KPNA7: variants seen among roughly 807,000 people sequenced by gnomAD.
KPNA7 encodes karyopherin subunit alpha 7.
A neutral mutation model predicts 53.7 loss-of-function variants in KPNA7; 54 were observed. That is an observed-to-expected ratio of 1.01 (90% CI 0.81 to 1.26). The LOEUF (loss-of-function observed/expected upper bound fraction) is 1.26, where lower values mean the gene tolerates loss of function less well. Among genes scored for constraint, KPNA7 ranks in the 50% most tolerant of loss-of-function variants. KPNA7 has a pLI of 0.00. For missense variants in KPNA7, 640 were observed against 644.5 expected, an observed-to-expected ratio of 0.99 and a Z score of 0.07; for synonymous variants, 276 against 259.3, an observed-to-expected ratio of 1.06 and a Z score of -0.62.
chr7:99,163,108 G>A, the KPNA7 span, among the ~76,000 whole-genome samples: 78 of 151,896 alleles, frequency 5.1e-4, no homozygotes, highest in African/African-American at 1.2e-3. Flanking sequence ...TTGAACCTGG[G>A]AGGCGGAGGT....
the KPNA7 span, among the ~76,000 whole-genome samples, chr7:99,166,898 G>A: frequency 1.8e-4 from 28 of 152,230 alleles, no homozygotes; most frequent in African/African-American, 6.0e-4. Flanking sequence ...GATTACAGGC[G>A]TAAGCCACCA....
intron 2 of KPNA7, among the ~76,000 whole-genome samples, chr7:99,204,330 C>T (rs1413498355): frequency 6.6e-6 from 1 of 151,818 alleles, no homozygotes; most frequent in Non-Finnish European, 1.5e-5. Context: ...TACGATTGTA[C>T]CACTGCACTC....
chr7:99,173,473 G>A, downstream of KPNA7: 1 of 357,712 alleles, frequency 2.8e-6, no homozygotes, highest in Non-Finnish European at 5.1e-6. Flanking sequence ...GATTACAGGT[G>A]TGAGCCACCA....
intron 8 of KPNA7, among the ~76,000 whole-genome samples, chr7:99,183,581 C>T (rs1789398013): frequency 6.6e-6 from 1 of 152,146 alleles, no homozygotes; most frequent in African/African-American, 2.4e-5. Flanking sequence ...TTGGGCAACA[C>T]ACCTGGTCTT....
In KPNA7 at chr7:99,213,448, AAAAAAAAAAG is replaced by A. The variant is rs1470134117; in HGVS notation, c.-23-5969_-23-5960del. Among the ~76,000 whole-genome samples, 781 of 146,634 alleles carry A rather than the reference AAAAAAAAAAG, an allele frequency of 5.3e-3. 9 individuals are homozygous for A. Among genetic ancestry groups the A allele is most frequent in the African/African-American group, 0.019 (741 of 38,586 alleles). On this transcript the variant is annotated intron_variant, in intron 1 of 10. Transcript: ENST00000681060. ...GGCCTTTTAAAAAAAAAAAAAAAAA[AAAAAAAAAAG>A]AGAGAGAGACAGAGTCTCATTGTTG...
chr7:99,147,512 CG>C, the KPNA7 span, among the ~76,000 whole-genome samples: 1 of 152,234 alleles, frequency 6.6e-6, no homozygotes, highest in Non-Finnish European at 1.5e-5. Flanking sequence ...GATAAAAGTC[CG>C]GGCACAGTGG....
upstream of KPNA7, among the ~76,000 whole-genome samples, chr7:99,210,895 A>T (rs6951287): frequency 7.5e-3 from 1,147 of 152,048 alleles, 17 homozygotes; most frequent in African/African-American, 0.027. Context: ...CCCAACTTTG[A>T]ATGTTCACAA....
upstream of KPNA7, among the ~76,000 whole-genome samples, chr7:99,210,267 CTTCA>C (rs1230960640): frequency 1.3e-5 from 2 of 152,146 alleles, no homozygotes; most frequent in South Asian, 2.1e-4. Flanking sequence ...CTTGGCTCCT[CTTCA>C]TTCAGTCTCT....
At chr7:99,193,322 G>C (rs1202729445) in intron 5 of KPNA7, among the ~76,000 whole-genome samples, 20 of 152,246 alleles carry the variant, frequency 1.3e-4, no homozygotes, top group Non-Finnish European at 2.5e-4. Context: ...GCAACTGCTA[G>C]AAGCAGAGCC....
chr7:99,165,591 C>G, the KPNA7 span, among the ~76,000 whole-genome samples: 3 of 152,162 alleles, frequency 2.0e-5, no homozygotes, highest in African/African-American at 7.2e-5. Flanking sequence ...GAACTGTCTT[C>G]CAGCAGTATT....
intron 10 of KPNA7, among the ~76,000 whole-genome samples, chr7:99,176,849 C>T (rs760961868): frequency 6.6e-6 from 1 of 152,106 alleles, no homozygotes; most frequent in Non-Finnish European, 1.5e-5. Context: ...CCATTGCCTT[C>T]CAGCCTGGGT....
chr7:99,196,090 G>C lies in KPNA7; in HGVS notation c.278C>G (p.Thr93Arg). ...GAAGTCTGTTTGGAGATACCTGGCT[G>C]TCTGGGTGGCCTGGAAACATAGGAC... ...DPVLCFQATQ[T>R]ARKMLSQEKN... The change falls in exon 4 of 11, where the codon ACA (threonine) becomes AGA (arginine). Residue 93 changes from threonine to arginine, a missense_variant. Coordinates refer to ENST00000327442, the MANE Select transcript of KPNA7 (RefSeq NM_001145715.3). 1 of 1,551,518 alleles carries C rather than the reference G, an allele frequency of 6.4e-7. No homozygotes were observed.
chr7:99,152,367 AAG>A, the KPNA7 span, among the ~76,000 whole-genome samples: 5 of 151,922 alleles, frequency 3.3e-5, no homozygotes, highest in Admixed American at 3.3e-4. Context: ...CAAAAAAAAA[AAG>A]AAAAAGAAAA....
chr7:99,183,204 A>G lies in KPNA7; in HGVS notation c.1135-1139T>C, dbSNP rs539080774. On this transcript the variant is annotated intron_variant, in intron 8 of 10. Transcript: ENST00000327442. ...GAGGCAGAGGTTGCAGTGAGCCAAAATTGTCCCACTGCACTCCAGTCTGGG... is the reference window on the plus strand; with the variant it reads ...GAGGCAGAGGTTGCAGTGAGCCAAAGTTGTCCCACTGCACTCCAGTCTGGG... Among the ~76,000 whole-genome samples the G allele has an allele frequency of 7.2e-5, 11 of 152,212 alleles. No homozygotes were observed. In the South Asian group the frequency reaches 8.3e-4, roughly 12 times the overall value.
At chr7:99,195,950 G>A (rs772599949) in intron 4 of KPNA7, 134 bp downstream of exon 4, 21 of 682,650 alleles carry the variant, frequency 3.1e-5, no homozygotes, top group Non-Finnish European at 4.8e-5. Flanking sequence ...TCTTTTAGAT[G>A]GGCTAGCCTT....
chr7:99,196,103 G>A lies in KPNA7; in HGVS notation c.265C>T (p.Gln89Ter), dbSNP rs553805479. The A allele has an allele frequency of 2.8e-5, 43 of 1,551,752 alleles. No homozygotes were observed. The Admixed American group carries it at 8.2e-4, about 30-fold the overall frequency. Residue 89 changes from glutamine to a stop codon, truncating the protein, a stop_gained, in exon 4 of 11, where the codon CAG becomes TAG. Transcript: ENST00000327442. LOFTEE classifies it high-confidence loss of function. Reference protein sequence around the residue: ...VNSSDPVLCFQATQTARKMLS... With the variant: ...VNSSDPVLCF Reference sequence around the variant, plus strand: ...AGATACCTGGCTGTCTGGGTGGCCTGGAAACATAGGACTGGATCTGAGCTA... The same window carrying A: ...AGATACCTGGCTGTCTGGGTGGCCTAGAAACATAGGACTGGATCTGAGCTA...
chr7:99,165,876 T>C, the KPNA7 span, among the ~76,000 whole-genome samples: 8 of 152,150 alleles, frequency 5.3e-5, no homozygotes, highest in African/African-American at 1.9e-4. Context: ...AAATCTCATG[T>C]CAAATAGTAA....
chr7:99,210,394 C>A (rs1231340265), upstream of KPNA7, among the ~76,000 whole-genome samples: 4 of 151,798 alleles, frequency 2.6e-5, no homozygotes, highest in Admixed American at 6.6e-5. Context: ...CTCCTACTCC[C>A]CATGGTAACA....
chr7:99,193,317 T>C (rs1790061593), intron 5 of KPNA7, among the ~76,000 whole-genome samples: 1 of 152,198 alleles, frequency 6.6e-6, no homozygotes, highest in Non-Finnish European at 1.5e-5. Context: ...CAGCAGCAAC[T>C]GCTAGAAGCA....
Sources: allele counts gnomAD v4.1 joint callset (sites outside exome capture counted in the v4.1 genomes callset), GRCh38; gene constraint gnomAD v4.1.1; transcripts MANE v1.5; gene names NCBI Gene and HGNC (gene_info 2026-07-23, HGNC 2026-07-21).